CDHR3: variants seen among roughly 807,000 people sequenced by gnomAD.
CDHR3 encodes cadherin related family member 3, also known as cadherin-related family member 3.
A neutral mutation model predicts 86.6 loss-of-function variants in CDHR3; 79 were observed. That is an observed-to-expected ratio of 0.91 (90% CI 0.76 to 1.10). The LOEUF is 1.10. CDHR3 is among the 50% of genes least tolerant of loss of function. CDHR3 has a pLI of 0.00. For synonymous variants in CDHR3, 421 were observed against 402.4 expected, an observed-to-expected ratio of 1.05 and a Z score of -0.55; for missense variants, 1,081 against 1,077.6, an observed-to-expected ratio of 1.00 and a Z score of -0.04.
At chr7:106,015,616 A>G (rs1835490382) in intron 10 of CDHR3, among the ~76,000 whole-genome samples, 1 of 151,992 alleles carries the variant, frequency 6.6e-6, no homozygotes, top group Admixed American at 6.6e-5. Flanking sequence ...ATACCTTGGC[A>G]TTTTTGCATA....
intron 2 of CDHR3, among the ~76,000 whole-genome samples, chr7:105,977,705 C>T (rs1829047766): frequency 1.3e-5 from 2 of 152,224 alleles, no homozygotes. Flanking sequence ...ACATGAAAAT[C>T]TCCATGGCAG....
At chr7:106,003,989 C>CAAAAAAAAAAAAAAAAAAAAAA (rs55815648) in intron 7 of CDHR3, among the ~76,000 whole-genome samples, 2 of 79,950 alleles carry the variant, frequency 2.5e-5, no homozygotes, top group East Asian at 4.3e-4. Context: ...CCAACCTAAC[C>CAAAAAAAAAAAAAAAAAAAAAA]AAAAAAAAAA....
intron 14 of CDHR3, 52 bp from the exon 15 acceptor site, chr7:106,024,329 G>C: frequency 6.6e-7 from 1 of 1,520,600 alleles, no homozygotes; most frequent in Non-Finnish European, 9.1e-7. Flanking sequence ...AGTGCTGAAT[G>C]TCAAAATCAC....
At chr7:106,001,725 T>A (rs1057472346) in intron 7 of CDHR3, 115 bp downstream of exon 7, 1 of 1,328,440 alleles carries the variant, frequency 7.5e-7, no homozygotes, top group Admixed American at 1.9e-5. Flanking sequence ...GCACCGTGGA[T>A]ACCAAAATCC....
rs933284101 is a variant in CDHR3 at position 106,004,597 on chromosome 7, C to T, written c.962C>T (p.Pro321Leu). ...ISLEVLVKDR[P>L]YGGQENRIQI... ...CTGGAAGTTCTAGTGAAGGACAGAC[C>T]ATATGGGGGTCAGGAGAATCGCATC... The change falls in exon 8 of 19, where the codon CCA (proline) becomes CTA (leucine). Residue 321 changes from proline to leucine, a missense_variant. Transcript: ENST00000317716. The T allele has an allele frequency of 1.2e-6, 2 of 1,613,974 alleles. No individual in the cohort carries two copies.
rs1201725753 is a variant in CDHR3 at position 106,017,905 on chromosome 7, C to G, written c.1486C>G (p.Leu496Val). The G allele has an allele frequency of 6.2e-7, 1 of 1,608,914 alleles. No individual in the cohort carries two copies. Among genetic ancestry groups the G allele is most frequent in the South Asian group, 1.1e-5 (1 of 89,852 alleles). ...TAAAGACCTCCCCCAGAGCAGCCTC[C>G]TGTACTCCATCTCCACTGGAGGGGC... ...TDKDLPQSSL[L>V]YSISTGGASL... Residue 496 changes from leucine to valine, a missense_variant, in exon 12 of 19, where the codon CTG becomes GTG. By Grantham distance (32) the Leu-to-Val change is conservative. Transcript: ENST00000317716.
At chr7:105,992,474 G>T (rs1489433975) in intron 4 of CDHR3, among the ~76,000 whole-genome samples, 1 of 152,132 alleles carries the variant, frequency 6.6e-6, no homozygotes. Context: ...GGGGGGCTTG[G>T]GATTTAAACC....
intron 15 of CDHR3, 56 bp downstream of exon 15, chr7:106,024,618 G>A: frequency 6.5e-7 from 1 of 1,539,156 alleles, no homozygotes; most frequent in Admixed American, 1.8e-5. Flanking sequence ...CACTGTTTCT[G>A]GTGACATCAG....
chr7:106,004,058 C>T (rs1370039187), intron 7 of CDHR3, among the ~76,000 whole-genome samples: 4 of 149,536 alleles, frequency 2.7e-5, no homozygotes, highest in Non-Finnish European at 5.9e-5. Context: ...TTCTGTGCAT[C>T]TCTTAAGAAA....
rs56076993 is a variant in CDHR3 at position 106,035,082 on chromosome 7, GAAAA to G, written c.*2398_*2401del. Among the ~76,000 whole-genome samples the G allele has an allele frequency of 1.5e-5, 2 of 136,760 alleles. No homozygotes were observed. Among genetic ancestry groups the G allele is most frequent in the Admixed American group, 7.4e-5 (1 of 13,572 alleles). The allele number at this position is 136,760 out of a possible 152,430, so 89.7% of individuals were successfully genotyped here. ...TGACAAGGGCAAAACTCTGTGTCAA[GAAAA>G]AAAAAAAAAAAAGAATAATTAAAAG... is the stretch of plus-strand genomic sequence containing the variant. On this transcript the variant is annotated 3_prime_UTR_variant, in exon 19 of 19. Coordinates refer to ENST00000317716, the MANE Select transcript of CDHR3 (RefSeq NM_152750.5).
At chr7:106,016,546 A>G (rs1225112378) in intron 11 of CDHR3, among the ~76,000 whole-genome samples, 4 of 151,888 alleles carry the variant, frequency 2.6e-5, no homozygotes, top group Admixed American at 2.0e-4. Context: ...CTCACTCCCC[A>G]CTTCCAGCTT....
chr7:106,009,400 C>T (rs952721313), intron 8 of CDHR3, among the ~76,000 whole-genome samples: 1 of 152,250 alleles, frequency 6.6e-6, no homozygotes, highest in Non-Finnish European at 1.5e-5. Flanking sequence ...ATCCTCCCAG[C>T]CTTATACCTT....
intron 2 of CDHR3, among the ~76,000 whole-genome samples, chr7:105,980,082 T>C (rs1829404702): frequency 6.6e-6 from 1 of 152,136 alleles, no homozygotes; most frequent in Non-Finnish European, 1.5e-5. Context: ...CTCCTGACAA[T>C]GGAAGAATGT....
rs369742141 is a variant in CDHR3 at position 105,984,975 on chromosome 7, C to T, written c.513+686C>T. Among the ~76,000 whole-genome samples the T allele has an allele frequency of 1.7e-3, 256 of 151,602 alleles. 1 individual carries two copies. Among genetic ancestry groups the T allele is most frequent in the African/African-American group, 6.0e-3 (246 of 41,278 alleles). ...TCGGGAGGCTGAGGTGGAAGGATCG[C>T]TTGAGCCTAGGAGTTTGAGACTACA... On this transcript the variant is annotated intron_variant, in intron 4 of 18. Coordinates refer to ENST00000317716, the MANE Select transcript of CDHR3 (RefSeq NM_152750.5).
At chr7:106,022,633 C>T (rs1432969799) in intron 14 of CDHR3, among the ~76,000 whole-genome samples, 185 bp downstream of exon 14, 1 of 152,192 alleles carries the variant, frequency 6.6e-6, no homozygotes, top group Non-Finnish European at 1.5e-5. Context: ...GGTGAGACCT[C>T]AGACTCATAA....
chr7:105,974,452 C>T (rs1041102656), intron 1 of CDHR3, among the ~76,000 whole-genome samples: 1 of 152,170 alleles, frequency 6.6e-6, no homozygotes, highest in East Asian at 1.9e-4. Context: ...TTGTAAGCTA[C>T]AGGGCCCTGG....
chr7:105,979,036 G>C (rs1829241024), intron 2 of CDHR3, among the ~76,000 whole-genome samples: 2 of 152,166 alleles, frequency 1.3e-5, no homozygotes, highest in African/African-American at 4.8e-5. Flanking sequence ...AACAGTTTTT[G>C]ACTACTTAAT....
chr7:106,024,611 T>C, intron 15 of CDHR3, 49 bp downstream of exon 15: 1 of 1,562,752 alleles, frequency 6.4e-7, no homozygotes. Flanking sequence ...TTTAGGACAC[T>C]GTTTCTGGTG....
chr7:105,968,587 C>A (rs1005515811), intron 1 of CDHR3, among the ~76,000 whole-genome samples: 1 of 152,124 alleles, frequency 6.6e-6, no homozygotes, highest in East Asian at 1.9e-4. Context: ...TCTCAAACTC[C>A]GGACCTCAGG....
Sources: gnomAD v4.1 joint callset for allele counts (sites outside exome capture counted in the v4.1 genomes callset) on GRCh38, gnomAD v4.1.1 for gene constraint, MANE v1.5 for transcripts, NCBI Gene and HGNC (gene_info 2026-07-23, HGNC 2026-07-21) for gene names.